Variants in FAM91A1 observed in about 807,000 individuals in gnomAD.
FAM91A1 encodes the protein protein FAM91A1.
A neutral mutation model predicts 113.5 loss-of-function variants in FAM91A1; 41 were observed. The observed-to-expected ratio is 0.36, with a 90% CI of 0.28 to 0.47. The LOEUF is 0.47. Among genes scored for constraint, FAM91A1 ranks in the 20% least tolerant of loss-of-function variants. FAM91A1 has a pLI of 1.00. For synonymous variants in FAM91A1, 307 were observed against 347.9 expected (o/e 0.88, Z 1.31); for missense variants, 696 against 1,001.2 (o/e 0.70, Z 4.11).
At chr8:123,779,834 A>G (rs1282099856) in intron 6 of FAM91A1, 151 bp from the exon 7 acceptor site, 1 of 591,168 alleles carries the variant, frequency 1.7e-6, no homozygotes, top group Non-Finnish European at 2.8e-6. Flanking sequence ...GGCTATGTGC[A>G]CAGTTTTTTG....
rs1455409673 is a variant in FAM91A1, at chr8:123,814,059, G to A, written c.*1355G>A. 2 of 327,154 alleles carry A rather than the reference G, an allele frequency of 6.1e-6. No individual in the cohort carries two copies. The highest frequency in any genetic ancestry group is 5.6e-5 in the Admixed American group (1 of 17,986). 20.3% of individuals were successfully genotyped at this position (327,154 alleles called of 1,614,324 possible). On this transcript the variant is annotated 3_prime_UTR_variant, in exon 24 of 24. Coordinates refer to ENST00000334705, the MANE Select transcript of FAM91A1 (RefSeq NM_144963.4). Reference sequence around the variant, plus strand: ...ACTTAACCATGCATTCAATACCATGGCCTATCTATAGAATTGAATATTTTG... The same window carrying A: ...ACTTAACCATGCATTCAATACCATGACCTATCTATAGAATTGAATATTTTG...
rs1814923369 is a variant in FAM91A1 at position 123,774,127 on chromosome 8, C to T, written c.120C>T (p.Tyr40=). The T allele has an allele frequency of 6.2e-7, 1 of 1,608,932 alleles. No homozygotes were observed. The highest frequency in any genetic ancestry group is 8.5e-7 in the Non-Finnish European group (1 of 1,178,254). The change falls in exon 2 of 24, where the codon TAC becomes TAT. Residue 40 remains tyrosine, a synonymous_variant. Transcript: ENST00000334705. ...QREYEKQVVL[Y]SIRNQLRYRN... ...AATATGAAAAGCAGGTTGTCCTGTA[C>T]AGTATCCGCAATCAGTTACGATATA...
chr8:123,771,079 T>C (rs1246397045), intron 1 of FAM91A1, among the ~76,000 whole-genome samples: 1 of 152,208 alleles, frequency 6.6e-6, no homozygotes, highest in East Asian at 1.9e-4. Context: ...TTATATTGCT[T>C]GTATTAATAG....
intron 11 of FAM91A1, among the ~76,000 whole-genome samples, 162 bp from the exon 12 acceptor site, chr8:123,786,333 G>C (rs1815256341): frequency 6.6e-6 from 1 of 152,186 alleles, no homozygotes; most frequent in African/African-American, 2.4e-5. Context: ...AACCCTTGTT[G>C]TATGTAGGCA....
In FAM91A1 at chr8:123,780,007, G is replaced by A. The variant is rs200372877; in HGVS notation, c.572G>A (p.Cys191Tyr). 4.5e-5 allele frequency: 73 copies of A among 1,613,110 alleles called. No homozygotes were observed. The highest frequency in any genetic ancestry group is 5.0e-5 in the Admixed American group (3 of 59,964). Residue 191 changes from cysteine (C) to tyrosine (Y), a missense_variant, in exon 7 of 24, where the codon TGC (cysteine) becomes TAC (tyrosine). By Grantham distance (194) the Cys-to-Tyr change is radical (BLOSUM62 -2). Coordinates refer to ENST00000334705, the MANE Select transcript of FAM91A1 (RefSeq NM_144963.4). Reference protein sequence around the residue: ...DIKICTLPEKCAVDKIIDSGP... With the variant: ...DIKICTLPEKYAVDKIIDSGP... Reference sequence around the variant, plus strand: ...TAGATATGCACTTTGCCTGAGAAATGCGCTGTTGATAAGATCATCGATTCA... The same window carrying A: ...TAGATATGCACTTTGCCTGAGAAATACGCTGTTGATAAGATCATCGATTCA...
chr8:123,785,979 A>T, intron 11 of FAM91A1: 1 of 456,034 alleles, frequency 2.2e-6, no homozygotes, highest in Non-Finnish European at 4.2e-6. Flanking sequence ...CACCATGCCC[A>T]GCTAATTTTT....
intron 21 of FAM91A1, chr8:123,808,622 A>G (rs1815872693): frequency 2.0e-6 from 1 of 502,752 alleles, no homozygotes; most frequent in South Asian, 3.1e-5. Flanking sequence ...ATATCTTGCA[A>G]TACTCTTTTT....
intron 14 of FAM91A1, among the ~76,000 whole-genome samples, chr8:123,788,930 C>A (rs1407092756): frequency 2.0e-5 from 3 of 152,130 alleles, no homozygotes; most frequent in African/African-American, 7.2e-5. Flanking sequence ...GTATGCAAAT[C>A]TGATTTAGTT....
chr8:123,807,749 T>C (rs570061721), intron 20 of FAM91A1, among the ~76,000 whole-genome samples: 156 of 152,262 alleles, frequency 1.0e-3, no homozygotes, highest in Middle Eastern at 3.4e-3. Flanking sequence ...CAGTAGTTCA[T>C]TGTGGCCAAA....
chr8:123,787,193 C>T, intron 12 of FAM91A1, 68 bp from the exon 13 acceptor site: 2 of 1,195,674 alleles, frequency 1.7e-6, no homozygotes, highest in Non-Finnish European at 1.2e-6. Context: ...AAATGAAATA[C>T]TTTCACTCCA....
chr8:123,769,325 A>T (rs971397866), intron 1 of FAM91A1, among the ~76,000 whole-genome samples: 1 of 152,186 alleles, frequency 6.6e-6, no homozygotes, highest in African/African-American at 2.4e-5. Flanking sequence ...CAAAGCTTGG[A>T]TGAGTGAAAG....
At chr8:123,801,231 C>T (rs186288844) in intron 18 of FAM91A1, among the ~76,000 whole-genome samples, 1 of 152,106 alleles carries the variant, frequency 6.6e-6, no homozygotes, top group Admixed American at 6.6e-5. Context: ...TACATTTTCC[C>T]GAAGACTAAT....
intron 18 of FAM91A1, among the ~76,000 whole-genome samples, chr8:123,802,645 G>A (rs1424225942): frequency 6.6e-6 from 1 of 152,210 alleles, no homozygotes; most frequent in African/African-American, 2.4e-5. Context: ...GCATCAGGTG[G>A]TAGATGGTAG....
intron 1 of FAM91A1, among the ~76,000 whole-genome samples, chr8:123,772,038 G>A (rs1814858279): frequency 6.6e-6 from 1 of 152,130 alleles, no homozygotes. Context: ...TTGAATGGTG[G>A]GAGATGTGGG....
intron 22 of FAM91A1, among the ~76,000 whole-genome samples, chr8:123,809,250 A>C (rs184983935): frequency 2.4e-4 from 37 of 152,294 alleles, no homozygotes; most frequent in African/African-American, 7.5e-4. Flanking sequence ...GATTATATTT[A>C]TTTAGTAATC....
intron 15 of FAM91A1, among the ~76,000 whole-genome samples, chr8:123,791,940 C>T (rs904791256): frequency 2.6e-5 from 4 of 152,188 alleles, no homozygotes; most frequent in Admixed American, 6.5e-5. Context: ...TTTGGGAGCT[C>T]GAGGCAGGCG....
At chr8:123,802,389 G>C (rs1563647594) in intron 18 of FAM91A1, among the ~76,000 whole-genome samples, 1 of 152,136 alleles carries the variant, frequency 6.6e-6, no homozygotes, top group Non-Finnish European at 1.5e-5. Context: ...AAGGTAGAAG[G>C]GTGGTGATAC....
At chr8:123,785,259 G>T in intron 10 of FAM91A1, 140 bp downstream of exon 10, 1 of 728,088 alleles carries the variant, frequency 1.4e-6, no homozygotes, top group East Asian at 2.7e-5. Context: ...CACAGTAAAG[G>T]GGCACTTGCA....
At chr8:123,787,523 CT>C in intron 13 of FAM91A1, 140 bp from the exon 14 acceptor site, 1 of 979,054 alleles carries the variant, frequency 1.0e-6, no homozygotes, top group East Asian at 2.6e-5. Context: ...AGGGAAGGTC[CT>C]TTTGTAATTG....
Sources: gnomAD v4.1 joint callset for allele counts (sites outside exome capture counted in the v4.1 genomes callset) on GRCh38, gnomAD v4.1.1 for gene constraint, MANE v1.5 for transcripts, NCBI Gene and HGNC (gene_info 2026-07-23, HGNC 2026-07-21) for gene names.